TAF8: variants seen among roughly 807,000 people sequenced by gnomAD.
TAF8 encodes the protein transcription initiation factor TFIID subunit 8.
In TAF8, 47 loss-of-function variants were observed where a neutral mutation model predicts 36.5. The observed-to-expected ratio is 1.29, with a 90% CI of 1.02 to 1.64. The LOEUF is 1.64. Ranked by LOEUF, TAF8 falls within the 40% of genes most tolerant of loss-of-function variation. TAF8 has a pLI of 0.00. For synonymous variants in TAF8, 175 were observed against 159.5 expected, an observed-to-expected ratio of 1.10 and a Z score of -0.73; for missense variants, 420 against 407.6, an observed-to-expected ratio of 1.03 and a Z score of -0.26.
At chr6:42,069,087 A>G (rs889927443) in intron 7 of TAF8, among the ~76,000 whole-genome samples, 1 of 152,154 alleles carries the variant, frequency 6.6e-6, no homozygotes, top group African/African-American at 2.4e-5. Flanking sequence ...CCCCTGTTGT[A>G]TTGAAGAACA....
In TAF8 at chr6:42,057,405, G is replaced by C; in HGVS notation, c.381G>C (p.Gln127His). 1.2e-6 allele frequency: 2 copies of C among 1,614,068 alleles called. No individual in the cohort carries two copies. Among genetic ancestry groups the C allele is most frequent in the Non-Finnish European group, 1.7e-6 (2 of 1,180,016 alleles). The change falls in exon 5 of 9, where the codon CAG (glutamine) becomes CAC (histidine). Residue 127 changes from glutamine (Q) to histidine (H), a missense_variant. Gln to His is a conservative substitution (Grantham distance 24). Transcript: ENST00000372977. ...MVITAPPVTN[Q>H]PVTPKALTAG... Reference sequence around the variant, plus strand: ...CTGTTGCAGCTCCGGTGACCAATCAGCCAGTGACCCCCAAGGCCCTCACTG... The same window carrying C: ...CTGTTGCAGCTCCGGTGACCAATCACCCAGTGACCCCCAAGGCCCTCACTG...
rs372180909 is a variant in TAF8, at chr6:42,077,158, C to T, written c.839C>T (p.Ser280Leu). The stretch of plus-strand genomic sequence containing the variant: ...GTCCTGCAGCAGAACCCCTCCTTGT[C>T]GGGTAGCCGGAATGGGGAGGAGAAC... Reference protein sequence around the residue: ...TSVLQQNPSLSGSRNGEENII... With the variant: ...TSVLQQNPSLLGSRNGEENII... Residue 280 changes from serine to leucine, a missense_variant, in exon 8 of 9, where the codon TCG becomes TTG. Ser to Leu is a moderately radical substitution (Grantham distance 145). Transcript: ENST00000372977. 4.2e-5 allele frequency: 68 copies of T among 1,614,026 alleles called. No individual in the cohort carries two copies. Among genetic ancestry groups the T allele is most frequent in the Non-Finnish European group, 5.1e-5 (60 of 1,180,018 alleles).
chr6:42,087,011 A>C (rs1582259175), downstream of TAF8: 12 of 548,368 alleles, frequency 2.2e-5, no homozygotes, highest in Non-Finnish European at 2.9e-5. Flanking sequence ...CCTCTGAAAT[A>C]CTCTCCCTCC....
At chr6:42,059,911 A>G (rs867763942) in intron 5 of TAF8, among the ~76,000 whole-genome samples, 4 of 152,200 alleles carry the variant, frequency 2.6e-5, no homozygotes, top group South Asian at 2.1e-4. Context: ...GGAAAAGGCT[A>G]TCAATTGCTC....
chr6:42,079,949 G>A lies in TAF8; in HGVS notation c.*2404G>A, dbSNP rs1281703640. The A allele has an allele frequency of 5.1e-6, 5 of 984,774 alleles. No individual in the cohort carries two copies. In the African/African-American group the frequency reaches 8.8e-5, roughly 17 times the overall value. The allele number at this position is 984,774 out of a possible 1,614,324, so 61.0% of individuals were successfully genotyped here. ...CATGTTCTTCTGGCCTCACTGTACT[G>A]TGTAAGGAAAGAGCTGCTTGTCAGG... is the stretch of plus-strand genomic sequence containing the variant. On this transcript the variant is annotated 3_prime_UTR_variant, in exon 9 of 9. Transcript: ENST00000372977.
downstream of TAF8, among the ~76,000 whole-genome samples, chr6:42,083,945 G>A (rs1036567666): frequency 3.3e-5 from 5 of 152,090 alleles, no homozygotes; most frequent in African/African-American, 1.2e-4. Flanking sequence ...ACTTTGGGAG[G>A]CAGAGGCGGG....
Position 42,077,825 on chromosome 6 carries a change from A to C in TAF8, c.*280A>C. ...GGCTGGAATGCAGTGGTGTGATCTC[A>C]GCTCACTGCAGTCTCAGCAACCCTG... On this transcript the variant is annotated 3_prime_UTR_variant, in exon 9 of 9. Coordinates refer to ENST00000372977, the MANE Select transcript of TAF8 (RefSeq NM_138572.3). The C allele has an allele frequency of 8.3e-6, 9 of 1,090,828 alleles. No homozygotes were observed. Among genetic ancestry groups the C allele is most frequent in the African/African-American group, 1.6e-5 (1 of 60,776 alleles). 67.6% of individuals were successfully genotyped at this position (1,090,828 alleles called of 1,614,324 possible). A position where few individuals can be genotyped will look rare whatever the true frequency, so the allele number is the denominator to read the frequency against.
rs1288698935 is a variant in TAF8, at chr6:42,078,913, G to A, written c.*1368G>A. The A allele has an allele frequency of 2.2e-6, 2 of 899,732 alleles. No homozygotes were observed. The highest frequency in any genetic ancestry group is 3.6e-5 in the African/African-American group (2 of 55,448). The allele number at this position is 899,732 out of a possible 1,614,324, so 55.7% of individuals were successfully genotyped here. On this transcript the variant is annotated 3_prime_UTR_variant, in exon 9 of 9. Transcript: ENST00000372977. ...AAGGCAGGTGGATCACTTGAGGTCA[G>A]GAGTTCGAGACCAGCCTGGCCAACA...
At chr6:42,073,727 G>C (rs1765659898) in intron 7 of TAF8, among the ~76,000 whole-genome samples, 1 of 152,108 alleles carries the variant, frequency 6.6e-6, no homozygotes, top group Admixed American at 6.5e-5. Context: ...TTTAAGAGCT[G>C]GCTTTTAACT....
intron 5 of TAF8, among the ~76,000 whole-genome samples, chr6:42,062,840 A>G (rs1221664271): frequency 1.3e-5 from 2 of 151,990 alleles, no homozygotes; most frequent in Admixed American, 6.6e-5. Context: ...GTGCCTGGCC[A>G]AGACAATCTT....
chr6:42,053,479 C>T (rs911894390), intron 2 of TAF8, among the ~76,000 whole-genome samples: 4 of 151,178 alleles, frequency 2.6e-5, no homozygotes, highest in East Asian at 3.9e-4. Context: ...GCAGGAGAAT[C>T]GCTTGAACCC....
intron 5 of TAF8, among the ~76,000 whole-genome samples, chr6:42,059,197 C>CA (rs1413522092): frequency 6.6e-6 from 1 of 151,930 alleles, no homozygotes; most frequent in Non-Finnish European, 1.5e-5. Flanking sequence ...TCCTGGCCAA[C>CA]ATGGTGAAAC....
intron 7 of TAF8, among the ~76,000 whole-genome samples, chr6:42,070,584 TAG>T (rs1765530890): frequency 6.6e-6 from 1 of 152,178 alleles, no homozygotes; most frequent in African/African-American, 2.4e-5. Flanking sequence ...GCTGCTCTAC[TAG>T]GCAGTGCAAA....
intron 7 of TAF8, among the ~76,000 whole-genome samples, chr6:42,075,274 T>C (rs1252333478): frequency 6.6e-6 from 1 of 152,078 alleles, no homozygotes; most frequent in African/African-American, 2.4e-5. Flanking sequence ...CTGAACTAGG[T>C]TGGTCCTGCA....
intron 5 of TAF8, among the ~76,000 whole-genome samples, chr6:42,065,302 C>T (rs941962478): frequency 3.3e-5 from 5 of 151,980 alleles, no homozygotes; most frequent in Non-Finnish European, 5.9e-5. Flanking sequence ...GCTGAGATGG[C>T]GCCACTGCAC....
Position 42,079,571 on chromosome 6 carries a change from CTTTTA to C in TAF8, c.*2031_*2035del, listed in dbSNP as rs145911544. On this transcript the variant is annotated 3_prime_UTR_variant, in exon 9 of 9. Transcript: ENST00000372977. ...CCCTTTGGCTTCCACAGTTCAACTC[CTTTTA>C]TTTTGAGACAGGGTCTCGCTGTGTC... 3 of 985,098 alleles carry C rather than the reference CTTTTA, an allele frequency of 3.0e-6. No individual in the cohort carries two copies. Among genetic ancestry groups the C allele is most frequent in the East Asian group, 1.1e-4 (1 of 8,804 alleles). The allele number at this position is 985,098 out of a possible 1,614,324, so 61.0% of individuals were successfully genotyped here. A position where few individuals can be genotyped will look rare whatever the true frequency, so the allele number is the denominator to read the frequency against.
intron 4 of TAF8, chr6:42,056,472 A>C (rs1472005379): frequency 5.9e-6 from 1 of 169,210 alleles, no homozygotes; most frequent in Non-Finnish European, 1.3e-5. Context: ...GCAAAACCTA[A>C]AGTATTTATT....
chr6:42,079,601 C>T lies in TAF8; in HGVS notation c.*2056C>T, dbSNP rs749247171. ...ATTTTGAGACAGGGTCTCGCTGTGT[C>T]GCCCCAGCTGGAGTATAGTGGCACT... On this transcript the variant is annotated 3_prime_UTR_variant, in exon 9 of 9. Coordinates refer to ENST00000372977, the MANE Select transcript of TAF8 (RefSeq NM_138572.3). 197 of 980,990 alleles carry T rather than the reference C, an allele frequency of 2.0e-4. No individual in the cohort carries two copies. Among genetic ancestry groups the T allele is most frequent in the Non-Finnish European group, 2.3e-4 (188 of 826,278 alleles). 60.8% of individuals were successfully genotyped at this position (980,990 alleles called of 1,614,324 possible). A position where few individuals can be genotyped will look rare whatever the true frequency, so the allele number is the denominator to read the frequency against.
In TAF8 at chr6:42,068,427, T is replaced by A. The variant is rs373693995; in HGVS notation, c.638-38T>A. On this transcript the variant is annotated intron_variant, in intron 6 of 8. Transcript: ENST00000372977. The stretch of plus-strand genomic sequence containing the variant: ...GACTCTAAGCCAGCTGCGAGGTCTC[T>A]GTGACAGTGGACTCATGCCTCTCTT... The A allele has an allele frequency of 2.5e-6, 4 of 1,612,544 alleles. No individual in the cohort carries two copies. In the Admixed American group the frequency reaches 5.0e-5, roughly 20 times the overall value.
Sources: gnomAD v4.1 joint callset for allele counts (sites outside exome capture counted in the v4.1 genomes callset) on GRCh38, gnomAD v4.1.1 for gene constraint, MANE v1.5 for transcripts, NCBI Gene and HGNC (gene_info 2026-07-23, HGNC 2026-07-21) for gene names.